The following GLCCI1 variants were observed in gnomAD, a reference collection of about 807,000 sequenced individuals.
The protein encoded by GLCCI1 is glucocorticoid-induced transcript 1 protein.
Under a neutral mutation model 52.2 loss-of-function variants are expected in GLCCI1, and 24 were observed. The ratio of observed to expected loss-of-function variants is 0.46; its 90% CI spans 0.33 to 0.65. The LOEUF is 0.65. GLCCI1 is among the 30% of genes least tolerant of loss of function. The pLI is 0.02. For missense variants in GLCCI1, 704 were observed against 701.5 expected (o/e 1.00, Z -0.04); for synonymous variants, 310 against 276.5 (o/e 1.12, Z -1.20).
intron 6 of GLCCI1, among the ~76,000 whole-genome samples, chr7:8,079,273 G>T (rs1562453159): frequency 1.3e-5 from 2 of 150,582 alleles, no homozygotes; most frequent in African/African-American, 2.5e-5. Flanking sequence ...TGAACAATAT[G>T]TTCTGTTTTT....
At chr7:8,013,109 A>G (rs1235466784) in intron 2 of GLCCI1, among the ~76,000 whole-genome samples, 1 of 152,162 alleles carries the variant, frequency 6.6e-6, no homozygotes, top group Non-Finnish European at 1.5e-5. Context: ...TGGCTGCTGT[A>G]TTTATCACAG....
chr7:7,989,714 T>C lies in GLCCI1; in HGVS notation c.458-14194T>C, dbSNP rs1331333482. Reference sequence around the variant, plus strand: ...TTAACAACTGTTTTGTAAGTAGATATACTAGGTGTCAGATAAATGAAAATA... The same window carrying C: ...TTAACAACTGTTTTGTAAGTAGATACACTAGGTGTCAGATAAATGAAAATA... On this transcript the variant is annotated intron_variant, in intron 1 of 7. Transcript: ENST00000223145. 3.9e-5 allele frequency among the ~76,000 whole-genome samples: 6 copies of C among 152,268 alleles called. No individual in the cohort carries two copies. The South Asian group carries it at 1.0e-3, about 26-fold the overall frequency.
chr7:8,029,973 A>G (rs1460395586), intron 3 of GLCCI1, among the ~76,000 whole-genome samples: 1 of 152,140 alleles, frequency 6.6e-6, no homozygotes, highest in Non-Finnish European at 1.5e-5. Flanking sequence ...TGTCTATTCT[A>G]CCCAAAGCAA....
chr7:8,083,513 C>T (rs1021837272), intron 6 of GLCCI1, among the ~76,000 whole-genome samples: 4 of 152,112 alleles, frequency 2.6e-5, no homozygotes, highest in African/African-American at 4.8e-5. Context: ...CTCCTTCCTC[C>T]CATTTGTTCA....
At chr7:8,065,249 G>GTTTTGTTTC (rs1782607083) in intron 5 of GLCCI1, among the ~76,000 whole-genome samples, 1 of 152,122 alleles carries the variant, frequency 6.6e-6, no homozygotes, top group Non-Finnish European at 1.5e-5. Flanking sequence ...ATTTTTGTAT[G>GTTTTGTTTC]TTTTGTTTCT....
Position 8,032,125 on chromosome 7 carries a change from A to C in GLCCI1, c.696+9556A>C, listed in dbSNP as rs1004073547. On this transcript the variant is annotated intron_variant, in intron 3 of 7. Coordinates refer to ENST00000223145, the MANE Select transcript of GLCCI1 (RefSeq NM_138426.4). The stretch of plus-strand genomic sequence containing the variant: ...GGAAAACACCCAGTCACTGCAGAAT[A>C]GCAGAAAGAAATCTTAGAAAATCCC... Among the ~76,000 whole-genome samples, 8 of 152,218 alleles carry C rather than the reference A, an allele frequency of 5.3e-5. No individual in the cohort carries two copies. In the South Asian group the frequency reaches 1.7e-3, roughly 32 times the overall value.
At chr7:8,013,011 AGTT>A (rs1583971713) in intron 2 of GLCCI1, among the ~76,000 whole-genome samples, 1 of 152,232 alleles carries the variant, frequency 6.6e-6, no homozygotes, top group East Asian at 1.9e-4. Context: ...TCCCAGCACC[AGTT>A]GTTGAAAAGG....
At chr7:8,052,278 A>G (rs950384845) in intron 3 of GLCCI1, among the ~76,000 whole-genome samples, 1 of 152,184 alleles carries the variant, frequency 6.6e-6, no homozygotes, top group African/African-American at 2.4e-5. Context: ...CAAACCAAAG[A>G]TGGCACCCTA....
At chr7:8,061,009 TC>T (rs1372193048) in intron 5 of GLCCI1, among the ~76,000 whole-genome samples, 1 of 152,138 alleles carries the variant, frequency 6.6e-6, no homozygotes, top group Non-Finnish European at 1.5e-5. Context: ...ATTATAGCAA[TC>T]TTAGTGGATG....
chr7:8,056,904 A>G (rs775901690), intron 4 of GLCCI1, among the ~76,000 whole-genome samples: 11 of 152,226 alleles, frequency 7.2e-5, no homozygotes, highest in Non-Finnish European at 1.3e-4. Flanking sequence ...TTTGCTAGTG[A>G]TTTAGATGTT....
intron 3 of GLCCI1, among the ~76,000 whole-genome samples, chr7:8,035,340 C>A (rs559269053): frequency 4.6e-5 from 7 of 152,306 alleles, no homozygotes; most frequent in African/African-American, 1.4e-4. Context: ...GCCAGGTGGC[C>A]TCAGTGCTTA....
chr7:7,985,649 A>G (rs909201793), intron 1 of GLCCI1, among the ~76,000 whole-genome samples: 2 of 152,216 alleles, frequency 1.3e-5, no homozygotes, highest in Non-Finnish European at 2.9e-5. Flanking sequence ...GGAAGCATTT[A>G]TTCAATGCTG....
At chr7:8,042,176 T>A (rs899572740) in intron 3 of GLCCI1, among the ~76,000 whole-genome samples, 1 of 152,254 alleles carries the variant, frequency 6.6e-6, no homozygotes, top group Non-Finnish European at 1.5e-5. Flanking sequence ...AATGTTTTCA[T>A]GCCTGCTAAC....
intron 2 of GLCCI1, among the ~76,000 whole-genome samples, chr7:8,010,794 CT>C (rs1018539572): frequency 3.4e-4 from 51 of 152,066 alleles, no homozygotes; most frequent in African/African-American, 1.2e-3. Context: ...TTTTCTGTAC[CT>C]ATAGAAATAT....
chr7:7,988,640 G>A (rs1490879039), intron 1 of GLCCI1, among the ~76,000 whole-genome samples: 2 of 152,094 alleles, frequency 1.3e-5, no homozygotes, highest in Non-Finnish European at 2.9e-5. Flanking sequence ...GAGTAAGGTA[G>A]GTGATTAAGT....
chr7:7,999,930 C>T (rs981954646), intron 1 of GLCCI1, among the ~76,000 whole-genome samples: 1 of 151,920 alleles, frequency 6.6e-6, no homozygotes, highest in African/African-American at 2.4e-5. Context: ...TAAACACCAC[C>T]CCTTCAAAAA....
intron 1 of GLCCI1, among the ~76,000 whole-genome samples, chr7:7,994,027 G>C (rs887816730): frequency 2.6e-5 from 4 of 152,150 alleles, no homozygotes; most frequent in African/African-American, 9.7e-5. Context: ...GTCTTAATCT[G>C]TTTCGTATTG....
chr7:8,083,799 T>C (rs557300016), intron 6 of GLCCI1, among the ~76,000 whole-genome samples: 2 of 152,310 alleles, frequency 1.3e-5, no homozygotes, highest in African/African-American at 4.8e-5. Context: ...CTAACAAGCA[T>C]TAGTGTGCAT....
intron 2 of GLCCI1, among the ~76,000 whole-genome samples, chr7:8,011,872 G>C (rs200289103): frequency 1.3e-5 from 2 of 152,064 alleles, no homozygotes; most frequent in East Asian, 3.9e-4. Flanking sequence ...CAGGAATGCA[G>C]TGGCACTATC....
Sources: allele counts gnomAD v4.1 joint callset (sites outside exome capture counted in the v4.1 genomes callset), GRCh38; gene constraint gnomAD v4.1.1; transcripts MANE v1.5; gene names NCBI Gene and HGNC (gene_info 2026-07-23, HGNC 2026-07-21).